Variants in ATAD3B observed in about 807,000 individuals in gnomAD.
ATAD3B encodes the protein ATPase family AAA domain containing 3B, also known as ATPase family AAA domain-containing protein 3B.
A neutral mutation model predicts 70.2 loss-of-function variants in ATAD3B; 59 were observed. The observed-to-expected ratio is 0.84, with a 90% CI of 0.68 to 1.04. ATAD3B has a LOEUF of 1.04. Among genes scored for constraint, ATAD3B ranks in the 50% least tolerant of loss-of-function variants. The pLI is 0.00. For synonymous variants in ATAD3B, 423 were observed against 388.6 expected (o/e 1.09, Z -1.04); for missense variants, 961 against 913.4 (o/e 1.05, Z -0.67).
Position 1,495,628 on chromosome 1 carries a change from C to T in ATAD3B, c.1758C>T (p.Ser586=), listed in dbSNP as rs757570983. Reference sequence around the variant, plus strand: ...GGCGCGGGGTCGAGCACCCCCTATCCGGAGTCCAAGGCGAGACCCTCACCT... The same window carrying T: ...GGCGCGGGGTCGAGCACCCCCTATCTGGAGTCCAAGGCGAGACCCTCACCT... ...GPGRGVEHPL[S]GVQGETLTSW... The change falls in exon 16 of 16, where the codon TCC becomes TCT. Residue 586 remains serine (S), a synonymous_variant. Coordinates refer to ENST00000673477, the MANE Select transcript of ATAD3B (RefSeq NM_031921.6). 9.9e-6 allele frequency: 16 copies of T among 1,612,948 alleles called. No homozygotes were observed. The Admixed American group carries it at 1.0e-4, about 10-fold the overall frequency.
At chr1:1,493,615 C>A (rs1640641121) in intron 15 of ATAD3B, among the ~76,000 whole-genome samples, 1 of 151,634 alleles carries the variant, frequency 6.6e-6, no homozygotes, top group Admixed American at 6.6e-5. Flanking sequence ...CTGCAACCGA[C>A]CAGTTGAATT....
chr1:1,501,865 T>TGTTTG (rs1640952676), downstream of ATAD3B, among the ~76,000 whole-genome samples: 1 of 151,482 alleles, frequency 6.6e-6, no homozygotes, highest in African/African-American at 2.4e-5. Flanking sequence ...TTTTTTTTTG[T>TGTTTG]TTTTGTTTTG....
At chr1:1,476,960 C>A (rs1357523561) in intron 1 of ATAD3B, among the ~76,000 whole-genome samples, 1 of 152,042 alleles carries the variant, frequency 6.6e-6, no homozygotes, top group Non-Finnish European at 1.5e-5. Flanking sequence ...GCGTGCACCA[C>A]CACACCCAGC....
intron 5 of ATAD3B, 35 bp downstream of exon 5, chr1:1,480,971 G>T: frequency 3.2e-6 from 5 of 1,584,202 alleles, no homozygotes; most frequent in Non-Finnish European, 4.3e-6. Flanking sequence ...GGGCGGAGGT[G>T]GCGGGGGCTG....
the ATAD3B span, among the ~76,000 whole-genome samples, chr1:1,506,216 C>T: frequency 6.6e-6 from 1 of 151,858 alleles, no homozygotes; most frequent in Non-Finnish European, 1.5e-5. Context: ...GCCTGGGTGA[C>T]AGAGTGAGAC....
chr1:1,489,947 G>A lies in ATAD3B; in HGVS notation c.1338-310G>A, dbSNP rs142902991. ...CCCGCATCCCTGCTCCCAGCACAGC[G>A]GGGCTCAGGTAGCAGGAGGGAGTGG... is the stretch of plus-strand genomic sequence containing the variant. On this transcript the variant is annotated intron_variant, in intron 13 of 15. Transcript: ENST00000673477. The A allele has an allele frequency of 3.5e-3, 4,388 of 1,252,324 alleles. 149 individuals are homozygous for A. The African/African-American group carries it at 0.061, about 17-fold the overall frequency. The allele number at this position is 1,252,324 out of a possible 1,614,324, so 77.6% of individuals were successfully genotyped here.
Position 1,486,095 on chromosome 1 carries a change from C to A in ATAD3B, c.964-15C>A. 1 of 1,612,936 alleles carries A rather than the reference C, an allele frequency of 6.2e-7. No individual in the cohort carries two copies. Among genetic ancestry groups the A allele is most frequent in the South Asian group, 1.1e-5 (1 of 91,018 alleles). The stretch of plus-strand genomic sequence containing the variant: ...GTGCAGAGTGTCTCCCCCAAACCCC[C>A]GTCTTCCCCGGCAGCCCAGCCTGGA... On this transcript the variant is annotated splice_polypyrimidine_tract_variant and intron_variant, in intron 9 of 15. Coordinates refer to ENST00000673477, the MANE Select transcript of ATAD3B (RefSeq NM_031921.6).
At chr1:1,474,787 C>T (rs1481101663) in intron 1 of ATAD3B, among the ~76,000 whole-genome samples, 1 of 152,002 alleles carries the variant, frequency 6.6e-6, no homozygotes, top group Non-Finnish European at 1.5e-5. Flanking sequence ...AGGCGTGAGC[C>T]GCTGCTCATG....
At position 1,495,494 on chromosome 1, in the gene ATAD3B, T is replaced by C; in HGVS notation, c.1624T>C (p.Tyr542His). The change falls in exon 16 of 16, where the codon TAT (tyrosine) becomes CAT (histidine). Residue 542 changes from tyrosine to histidine, a missense_variant. By Grantham distance (83) the Tyr-to-His change is moderately conservative. Around this residue, in one of 4 missense-constraint regions of ATAD3B, gnomAD observed 417 missense variants for 335.0 expected, o/e 1.24. Transcript: ENST00000673477. ...QLAVSWQATA[Y>H]ASKDGVLTEA... ...CCTCTCTCTTCACTAGGCCACGGCA[T>C]ATGCCTCCAAGGACGGGGTCCTCAC... 6.2e-7 allele frequency: 1 copy of C among 1,606,930 alleles called. No homozygotes were observed. Among genetic ancestry groups the C allele is most frequent in the South Asian group, 1.1e-5 (1 of 90,512 alleles).
intron 5 of ATAD3B, among the ~76,000 whole-genome samples, 169 bp from the exon 6 acceptor site, chr1:1,481,969 C>T (rs368797065): frequency 3.6e-5 from 5 of 139,184 alleles, no homozygotes; most frequent in African/African-American, 9.4e-5. Flanking sequence ...CGGGCCTGTC[C>T]GTGGCCTTAG....
chr1:1,499,628 T>G (rs951586763), downstream of ATAD3B, among the ~76,000 whole-genome samples: 3 of 135,424 alleles, frequency 2.2e-5, no homozygotes, highest in African/African-American at 8.7e-5. Context: ...GAGTTTTGCC[T>G]TGTAGCCCAG....
At chr1:1,488,714 GTGCCAC>G (rs1255404573) in intron 12 of ATAD3B, among the ~76,000 whole-genome samples, 1 of 151,874 alleles carries the variant, frequency 6.6e-6, no homozygotes, top group Non-Finnish European at 1.5e-5. Context: ...AGCTGAGATC[GTGCCAC>G]TGCACTCCAG....
downstream of ATAD3B, among the ~76,000 whole-genome samples, chr1:1,498,037 T>C (rs536648218): frequency 2.2e-4 from 34 of 151,216 alleles, no homozygotes; most frequent in Non-Finnish European, 4.0e-4. Flanking sequence ...GTGCCGTGGC[T>C]CACTCCTGTA....
rs566369470 is a variant in ATAD3B at position 1,496,256 on chromosome 1, C to G, written c.*439C>G. 5 of 993,488 alleles carry G rather than the reference C, an allele frequency of 5.0e-6. No individual in the cohort carries two copies. The highest frequency in any genetic ancestry group is 3.5e-5 in the African/African-American group (2 of 57,500). The allele number at this position is 993,488 out of a possible 1,614,324, so 61.5% of individuals were successfully genotyped here. A position where few individuals can be genotyped will look rare whatever the true frequency, so the allele number is the denominator to read the frequency against. On this transcript the variant is annotated 3_prime_UTR_variant, in exon 16 of 16. Coordinates refer to ENST00000673477, the MANE Select transcript of ATAD3B (RefSeq NM_031921.6). ...GCTCGGGGTTTCAGGGGCGCCCTAG[C>G]GTCCTCCTGGGGTCAAAGGTGACAT...
rs146723974 is a variant in ATAD3B, at chr1:1,495,796, C to A, written c.1926C>A (p.Pro642=). The change falls in exon 16 of 16, where the codon CCC becomes CCA. Residue 642 remains proline, a synonymous_variant. Transcript: ENST00000673477. ...MSCGGGRPFC[P]PGHPLL Reference sequence around the variant, plus strand: ...GTGGTGGCGGTCGGCCGTTCTGCCCCCCAGGGCACCCCCTGTTGTAGGCAC... The same window carrying A: ...GTGGTGGCGGTCGGCCGTTCTGCCCACCAGGGCACCCCCTGTTGTAGGCAC... The A allele has an allele frequency of 2.5e-6, 4 of 1,590,896 alleles. No individual in the cohort carries two copies. The African/African-American group carries it at 5.4e-5, about 21-fold the overall frequency.
Position 1,496,350 on chromosome 1 carries a change from G to C in ATAD3B, c.*533G>C, listed in dbSNP as rs569597464. The C allele has an allele frequency of 9.8e-5, 70 of 714,966 alleles. No homozygotes were observed. The African/African-American group carries it at 1.3e-3, about 13-fold the overall frequency. 44.3% of individuals were successfully genotyped at this position (714,966 alleles called of 1,614,324 possible). Reference sequence around the variant, plus strand: ...GAGCGGTGTGCTTCACATCAGCCTCGCGCCACATCCGAGTTGGGGTCTGAA... The same window carrying C: ...GAGCGGTGTGCTTCACATCAGCCTCCCGCCACATCCGAGTTGGGGTCTGAA... On this transcript the variant is annotated 3_prime_UTR_variant, in exon 16 of 16. Coordinates refer to ENST00000673477, the MANE Select transcript of ATAD3B (RefSeq NM_031921.6).
chr1:1,478,595 C>T lies in ATAD3B; in HGVS notation c.283-49C>T, dbSNP rs113626733. On this transcript the variant is annotated intron_variant, in intron 2 of 15. Transcript: ENST00000673477. ...TGCAGACACAGGAGCGGCTGTCAGG[C>T]AGTGCCAGCCCTGAGCAAGTGCCAG... is the stretch of plus-strand genomic sequence containing the variant. 5.2e-3 allele frequency: 8,102 copies of T among 1,549,700 alleles called. 403 individuals are homozygous for T. In the African/African-American group the frequency reaches 0.095, roughly 18 times the overall value.
intron 1 of ATAD3B, among the ~76,000 whole-genome samples, chr1:1,472,629 AC>A (rs1232981640): frequency 2.6e-5 from 4 of 151,836 alleles, no homozygotes; most frequent in Admixed American, 1.3e-4. Context: ...GCTTGAGTAA[AC>A]CCCTGACCCA....
intron 13 of ATAD3B, chr1:1,489,816 T>C: frequency 2.1e-5 from 26 of 1,260,740 alleles, no homozygotes; most frequent in Non-Finnish European, 2.7e-5. Flanking sequence ...ACTCAGGTCC[T>C]TCCCAGAGAG....
Sources: gnomAD v4.1 joint callset for allele counts (sites outside exome capture counted in the v4.1 genomes callset) on GRCh38, gnomAD v4.1.1 for gene constraint, gnomAD v4.1.1 regional missense constraint, MANE v1.5 for transcripts, NCBI Gene and HGNC (gene_info 2026-07-23, HGNC 2026-07-21) for gene names.